PKD1: variants seen among roughly 807,000 people sequenced by gnomAD.
The protein encoded by PKD1 is polycystin-1.
In PKD1, 81 loss-of-function variants were observed where a neutral mutation model predicts 361.7. The ratio of observed to expected loss-of-function variants is 0.22; its 90% CI spans 0.19 to 0.27. PKD1 has a LOEUF of 0.27. Among genes scored for constraint, PKD1 ranks in the 10% least tolerant of loss-of-function variants. The pLI, the probability that PKD1 is intolerant of heterozygous loss-of-function variation, is 1.00. For synonymous variants in PKD1, 3,615 were observed against 2,818.3 expected, an observed-to-expected ratio of 1.28 and a Z score of -8.95; for missense variants, 6,399 against 6,118.3, an observed-to-expected ratio of 1.05 and a Z score of -1.53.
chr16:2,107,774 G>C (rs188292329), intron 16 of PKD1, 109 bp downstream of exon 16: 4 of 907,550 alleles, frequency 4.4e-6, no homozygotes, highest in African/African-American at 1.6e-5. Flanking sequence ...ATCAGAAACA[G>C]AGAGGGGAGA....
chr16:2,103,650 C>T lies in PKD1; in HGVS notation c.8407G>A (p.Gly2803Ser), dbSNP rs774882328. 14 of 1,610,380 alleles carry T rather than the reference C, an allele frequency of 8.7e-6. No individual in the cohort carries two copies. Among genetic ancestry groups the T allele is most frequent in the South Asian group, 1.1e-5 (1 of 90,994 alleles). ...LLCYGGAPGP[G>S]CHFSIPEAFS... The stretch of plus-strand genomic sequence containing the variant: ...GCCTCGGGGATGGAGAAGTGGCAGC[C>T]AGGCCCTGGGGCGCCGCCATAGCAC... The change falls in exon 23 of 46, where the codon GGC becomes AGC. Residue 2803 changes from glycine to serine, a missense_variant. Coordinates refer to ENST00000262304, the MANE Select transcript of PKD1 (RefSeq NM_001009944.3).
In PKD1 at chr16:2,103,802, G is replaced by A; in HGVS notation, c.8255C>T (p.Ala2752Val). ...ESPSRMVASQ[A>V]YNLTSALMRI... is the part of the protein sequence containing the mutation. The stretch of plus-strand genomic sequence containing the variant: ...CATGAGGGCAGAGGTCAGGTTGTAG[G>A]CCTGGGACGCCACCATCCGAGATGG... Residue 2752 changes from alanine to valine, a missense_variant, in exon 23 of 46, where the codon GCC becomes GTC. Ala to Val is a moderately conservative substitution (Grantham distance 64, BLOSUM62 0). Transcript: ENST00000262304. The A allele has an allele frequency of 1.9e-6, 3 of 1,609,362 alleles. No homozygotes were observed. Among genetic ancestry groups the A allele is most frequent in the Non-Finnish European group, 2.5e-6 (3 of 1,179,428 alleles).
intron 1 of PKD1, chr16:2,135,202 C>T (rs2092936305): frequency 2.0e-6 from 2 of 982,278 alleles, no homozygotes; most frequent in African/African-American, 3.5e-5. Flanking sequence ...TTTGTCCTCC[C>T]AGCTGAGCGC....
At chr16:2,107,430 G>C (rs546475462) in intron 16 of PKD1, 1 of 361,024 alleles carries the variant, frequency 2.8e-6, no homozygotes, top group Non-Finnish European at 5.3e-6. Context: ...AGCAGGGACT[G>C]GGGAACAGAC....
chr16:2,093,701 T>C lies in PKD1; in HGVS notation c.10859A>G (p.Lys3620Arg), dbSNP rs750029505. The change falls in exon 37 of 46, where the codon AAG becomes AGG. Residue 3620 changes from lysine to arginine, a missense_variant. Transcript: ENST00000262304. Reference sequence around the variant, plus strand: ...GTCATCTTCATCCGGGTGCAGCCGCTTGGCCACCAGTGAGAAGTACAGGGC... The same window carrying C: ...GTCATCTTCATCCGGGTGCAGCCGCCTGGCCACCAGTGAGAAGTACAGGGC... ...LEALYFSLVA[K>R]RLHPDEDDTL... 2 of 1,598,612 alleles carry C rather than the reference T, an allele frequency of 1.3e-6. No individual in the cohort carries two copies. The highest frequency in any genetic ancestry group is 2.2e-5 in the South Asian group (2 of 89,128).
Position 2,091,601 on chromosome 16 carries a change from C to T in PKD1, c.11538-4G>A, listed in dbSNP as rs763279854. 5.8e-6 allele frequency: 9 copies of T among 1,559,004 alleles called. No individual in the cohort carries two copies. The African/African-American group carries it at 6.8e-5, about 12-fold the overall frequency. On this transcript the variant is annotated splice_polypyrimidine_tract_variant and splice_region_variant and intron_variant, in intron 41 of 45. Coordinates refer to ENST00000262304, the MANE Select transcript of PKD1 (RefSeq NM_001009944.3). ...CTCCAGGAACACAGCGCGGCTCCTG[C>T]GCAGAGGGTGCGGGTCAGTAGGAGC...
chr16:2,124,492 C>A (rs1311859663), intron 1 of PKD1, among the ~76,000 whole-genome samples: 5 of 152,202 alleles, frequency 3.3e-5, no homozygotes, highest in Non-Finnish European at 5.9e-5. Flanking sequence ...CCGGGGGAGC[C>A]GGGGTCGGGG....
intron 1 of PKD1, 112 bp from the exon 2 acceptor site, chr16:2,119,490 G>T: frequency 2.8e-6 from 2 of 704,972 alleles, no homozygotes; most frequent in South Asian, 1.5e-5. Flanking sequence ...TCCCACCCTT[G>T]AGCTCCCCAC....
chr16:2,105,403 G>A lies in PKD1; in HGVS notation c.7935C>T (p.Asn2645=). 1 of 1,585,486 alleles carries A rather than the reference G, an allele frequency of 6.3e-7. No homozygotes were observed. Reference sequence around the variant, plus strand: ...TCAGGGACACCAGAGTCTCCGTGATGTTCTTGCGTATCTGGGCTCGGTGCT... The same window carrying A: ...TCAGGGACACCAGAGTCTCCGTGATATTCTTGCGTATCTGGGCTCGGTGCT... ...ERQHRAQIRK[N]ITETLVSLRV... The change falls in exon 21 of 46, where the codon AAC becomes AAT. Residue 2645 remains asparagine (N), a synonymous_variant. Coordinates refer to ENST00000262304, the MANE Select transcript of PKD1 (RefSeq NM_001009944.3).
At chr16:2,107,038 C>G (rs947108428) in intron 16 of PKD1, 90 bp from the exon 17 acceptor site, 3 of 1,237,190 alleles carry the variant, frequency 2.4e-6, no homozygotes, top group Non-Finnish European at 3.5e-6. Flanking sequence ...CTCCCAAACT[C>G]CAGGTTTCCC....
In PKD1 at chr16:2,108,580, T is replaced by C. The variant is rs1200774618; in HGVS notation, c.6587A>G (p.Gln2196Arg). The C allele has an allele frequency of 6.4e-7, 1 of 1,560,070 alleles. No individual in the cohort carries two copies. The highest frequency in any genetic ancestry group is 1.4e-5 in the African/African-American group (1 of 73,958). ...RWEVYRTASC[Q>R]RPGRPARVAL... ...CACACGCGCTGGGCGCCCCGGCCGC[T>C]GGCAGCTGGCGGTGCGATACACCTC... The change falls in exon 15 of 46, where the codon CAG (glutamine) becomes CGG (arginine). Residue 2196 changes from glutamine to arginine, a missense_variant. Gln to Arg is a conservative substitution (Grantham distance 43). Coordinates refer to ENST00000262304, the MANE Select transcript of PKD1 (RefSeq NM_001009944.3).
intron 34 of PKD1, 150 bp from the exon 35 acceptor site, chr16:2,094,360 G>A: frequency 1.5e-6 from 1 of 671,508 alleles, no homozygotes; most frequent in South Asian, 1.6e-5. Flanking sequence ...CCAAACGAGA[G>A]TGGGAGTGGT....
rs2092053154 is a variant in PKD1, at chr16:2,100,563, G to C, written c.9401C>G (p.Thr3134Ser). The change falls in exon 27 of 46, where the codon ACC becomes AGC. Residue 3134 changes from threonine (T) to serine (S), a missense_variant. By Grantham distance (58) the Thr-to-Ser change is moderately conservative. Transcript: ENST00000262304. The surrounding 1 kb of genome is among the most constrained non-coding windows in gnomAD (Gnocchi z 4.4). ...VKTGWGRGSG[T>S]TAHVGIMLYG... ...CAGCATGATGCCCACGTGGGCCGTGGTACCTGGGAGGCAAGAGGGAGGGGT... is the reference window on the plus strand; with the variant it reads ...CAGCATGATGCCCACGTGGGCCGTGCTACCTGGGAGGCAAGAGGGAGGGGT... 1 of 1,609,500 alleles carries C rather than the reference G, an allele frequency of 6.2e-7. No homozygotes were observed.
In PKD1 at chr16:2,111,542, A is replaced by G. The variant is rs1384713748; in HGVS notation, c.3625T>C (p.Phe1209Leu). 1 of 1,599,722 alleles carries G rather than the reference A, an allele frequency of 6.3e-7. No homozygotes were observed. Among genetic ancestry groups the G allele is most frequent in the South Asian group, 1.1e-5 (1 of 89,394 alleles). Residue 1209 changes from phenylalanine to leucine, a missense_variant, in exon 15 of 46, where the codon TTT becomes CTT. Coordinates refer to ENST00000262304, the MANE Select transcript of PKD1 (RefSeq NM_001009944.3). The stretch of plus-strand genomic sequence containing the variant: ...ACGCTGAGTCCGCGGAGCTCCTCAA[A>G]GACGCGCACATCCGCCTGGGCCGCC... Reference protein sequence around the residue: ...GAAAQADVRVFEELRGLSVDM... With the variant: ...GAAAQADVRVLEELRGLSVDM...
rs1376880242 is a variant in PKD1 at position 2,102,186 on chromosome 16, A to G, written c.9272T>C (p.Met3091Thr). Reference protein sequence around the residue: ...CAVCLVTYMVMAAILHKLDQL... With the variant: ...CAVCLVTYMVTAAILHKLDQL... Reference sequence around the variant, plus strand: ...GTCCAGCTTGTGCAGGATGGCGGCCATGACCATGTAGGTCACCAGGCACAC... The same window carrying G: ...GTCCAGCTTGTGCAGGATGGCGGCCGTGACCATGTAGGTCACCAGGCACAC... The change falls in exon 26 of 46, where the codon ATG becomes ACG. Residue 3091 changes from methionine to threonine, a missense_variant. Coordinates refer to ENST00000262304, the MANE Select transcript of PKD1 (RefSeq NM_001009944.3). 9.2e-6 allele frequency: 14 copies of G among 1,519,572 alleles called. No individual in the cohort carries two copies. Among genetic ancestry groups the G allele is most frequent in the Non-Finnish European group, 1.3e-5 (14 of 1,104,534 alleles). 94.1% of individuals were successfully genotyped at this position (1,519,572 alleles called of 1,614,324 possible).
At chr16:2,108,205 G>A (rs1055133965) in intron 15 of PKD1, 47 bp downstream of exon 15, 34 of 1,543,160 alleles carry the variant, frequency 2.2e-5, no homozygotes, top group East Asian at 4.5e-5. Flanking sequence ...GGGCTCATGG[G>A]TGTGGACGGG....
intron 39 of PKD1, 40 bp downstream of exon 39, chr16:2,092,440 A>G: frequency 7.3e-7 from 1 of 1,362,584 alleles, no homozygotes; most frequent in South Asian, 1.2e-5. Context: ...TCTCAACAAG[A>G]GGAACGATTT....
chr16:2,105,303 G>A lies in PKD1; in HGVS notation c.8016+19C>T, dbSNP rs753237438. The A allele has an allele frequency of 6.3e-7, 1 of 1,593,732 alleles. No homozygotes were observed. Among genetic ancestry groups the A allele is most frequent in the Admixed American group, 1.7e-5 (1 of 59,870 alleles). The stretch of plus-strand genomic sequence containing the variant: ...CTGGCAGGCATGCGGGGCAGGGTGA[G>A]CAGGTGGGGCCATCCTACCATGCAC... On this transcript the variant is annotated intron_variant, in intron 21 of 45. Transcript: ENST00000262304.
In PKD1 at chr16:2,100,463, G is replaced by C; in HGVS notation, c.9501C>G (p.Ile3167Met). The change falls in exon 27 of 46, where the codon ATC becomes ATG. Residue 3167 changes from isoleucine (I) to methionine (M), a missense_variant. Coordinates refer to ENST00000262304, the MANE Select transcript of PKD1 (RefSeq NM_001009944.3). The surrounding 1 kb of genome is among the most constrained non-coding windows in gnomAD (Gnocchi z 4.4). The stretch of plus-strand genomic sequence containing the variant: ...GGCTGTGCGGGGTGGCGATCCGGAA[G>C]ATGTCCAGGCTGTTGCGGTGGAAGG... Reference protein sequence around the residue: ...DRAFHRNSLDIFRIATPHSLG... With the variant: ...DRAFHRNSLDMFRIATPHSLG... 1 of 1,610,932 alleles carries C rather than the reference G, an allele frequency of 6.2e-7. No individual in the cohort carries two copies. Among genetic ancestry groups the C allele is most frequent in the Non-Finnish European group, 8.5e-7 (1 of 1,179,696 alleles).
Sources: allele counts gnomAD v4.1 joint callset (sites outside exome capture counted in the v4.1 genomes callset), GRCh38; gene constraint gnomAD v4.1.1; non-coding constraint Gnocchi (gnomAD v3.1); transcripts MANE v1.5; gene names NCBI Gene and HGNC (gene_info 2026-07-23, HGNC 2026-07-21).